SLC5A9: variants seen among roughly 807,000 people sequenced by gnomAD.
The protein encoded by SLC5A9 is sodium/glucose cotransporter 4.
SLC5A9 carries 59 observed loss-of-function variants against 70.9 expected under a neutral mutation model. The observed-to-expected ratio is 0.83, with a 90% CI of 0.68 to 1.03. The LOEUF (loss-of-function observed/expected upper bound fraction) is 1.03, where lower values mean the gene tolerates loss of function less well. Among genes scored for constraint, SLC5A9 ranks in the 50% least tolerant of loss-of-function variants. The pLI is 0.00. For synonymous variants in SLC5A9, 340 were observed against 346.5 expected (o/e 0.98, Z 0.21); for missense variants, 832 against 881.1 (o/e 0.94, Z 0.71).
chr1:48,243,753 AAAATAAAT>A (rs563581067), intron 13 of SLC5A9, among the ~76,000 whole-genome samples: 1 of 152,120 alleles, frequency 6.6e-6, no homozygotes, highest in African/African-American at 2.4e-5. Flanking sequence ...GCGTCCCAGG[AAAATAAAT>A]AAATAAATAA....
intron 9 of SLC5A9, among the ~76,000 whole-genome samples, chr1:48,234,051 G>A (rs1320991350): frequency 6.6e-6 from 1 of 152,220 alleles, no homozygotes; most frequent in South Asian, 2.1e-4. Context: ...TGGGACCAGT[G>A]TGGTGACCCA....
chr1:48,232,929 GAAA>G (rs1644272126), intron 8 of SLC5A9, among the ~76,000 whole-genome samples: 1 of 125,592 alleles, frequency 8.0e-6, no homozygotes, highest in African/African-American at 3.0e-5. Flanking sequence ...GAAAAAGAAA[GAAA>G]GAAAAGAAGA....
In SLC5A9 at chr1:48,247,452, T is replaced by C. The variant is rs1644472694; in HGVS notation, c.1955T>C (p.Ile652Thr). ...GCGCTAGAACAGAAGCTGACAAGCA[T>C]TGAGGAGGAGCCACTCTGGAGACAT... ...KAALEQKLTS[I>T]EEEPLWRHVC... The change falls in exon 14 of 14, where the codon ATT becomes ACT. Residue 652 changes from isoleucine (I) to threonine (T), a missense_variant. Ile to Thr is a moderately conservative substitution (Grantham distance 89). Coordinates refer to ENST00000438567, the MANE Select transcript of SLC5A9 (RefSeq NM_001011547.3). The C allele has an allele frequency of 1.2e-6, 2 of 1,614,176 alleles. No homozygotes were observed. The highest frequency in any genetic ancestry group is 1.7e-6 in the Non-Finnish European group (2 of 1,180,032).
intron 4 of SLC5A9, 167 bp downstream of exon 4, chr1:48,229,626 A>T: frequency 9.7e-7 from 1 of 1,032,506 alleles, no homozygotes; most frequent in Non-Finnish European, 1.4e-6. Context: ...GCACTGGGGT[A>T]CTCAGAGATG....
At position 48,239,331 on chromosome 1, in the gene SLC5A9, TG is replaced by T. The variant is rs777247762; in HGVS notation, c.1475del (p.Gly492AlafsTer13). 3.7e-4 allele frequency: 592 copies of T among 1,610,086 alleles called. 1 individual carries two copies. Among genetic ancestry groups the T allele is most frequent in the Middle Eastern group, 8.4e-4 (5 of 5,956 alleles). ...CTGCCCTCTCTCACAGGGAGCTTTC[TG>T]GGGCCTCGTGTTTGGCCTGGGAGTG... ...CKRVTEPGAFWGLVFGLGVGL... is the reference protein window; with the variant it reads ...CKRVTEPGAFXGLVFGLGVGL... On this transcript the variant is annotated frameshift_variant, in exon 12 of 14. Transcript: ENST00000438567. LOFTEE classifies it high-confidence loss of function. The surrounding 1 kb of genome is among the most constrained non-coding windows in gnomAD (Gnocchi z 4.2).
At chr1:48,243,743 G>T (rs142780062) in intron 13 of SLC5A9, among the ~76,000 whole-genome samples, 105 of 151,896 alleles carry the variant, frequency 6.9e-4, no homozygotes, top group East Asian at 3.1e-3. Context: ...AAAAAAAAAG[G>T]CGTCCCAGGA....
chr1:48,228,122 A>G (rs1485633607), intron 2 of SLC5A9: 1 of 152,228 alleles, frequency 6.6e-6, no homozygotes, highest in Admixed American at 6.5e-5. Context: ...CTGGAGCCAG[A>G]CAGCCAGGGA....
intron 4 of SLC5A9, among the ~76,000 whole-genome samples, chr1:48,230,153 G>A (rs1644226656): frequency 6.6e-6 from 1 of 152,186 alleles, no homozygotes; most frequent in Non-Finnish European, 1.5e-5. Context: ...ATGCCTATCT[G>A]CACCAGGGCT....
At chr1:48,223,084 G>A (rs897487177) in intron 1 of SLC5A9, among the ~76,000 whole-genome samples, 186 bp downstream of exon 1, 103 of 152,076 alleles carry the variant, frequency 6.8e-4, no homozygotes, top group Non-Finnish European at 1.3e-3. Flanking sequence ...AGAGAGGGGT[G>A]TGGCTGGTCT....
At chr1:48,233,543 T>C in intron 8 of SLC5A9, 112 bp from the exon 9 acceptor site, 1 of 776,244 alleles carries the variant, frequency 1.3e-6, no homozygotes, top group Non-Finnish European at 2.2e-6. Context: ...TAGACATGGG[T>C]CCCTGTCAGA....
At chr1:48,246,932 A>AGTC (rs1441348294) in intron 13 of SLC5A9, among the ~76,000 whole-genome samples, 3 of 152,338 alleles carry the variant, frequency 2.0e-5, no homozygotes, top group Admixed American at 6.5e-5. Flanking sequence ...TGGTTGTAGC[A>AGTC]GTCTGTCTGG....
intron 6 of SLC5A9, 130 bp downstream of exon 6, chr1:48,231,755 C>A (rs1644251101): frequency 3.3e-6 from 5 of 1,510,890 alleles, no homozygotes; most frequent in Non-Finnish European, 4.4e-6. Flanking sequence ...CCTCTCCAGG[C>A]TGCAGCTCCC....
rs1281465269 is a variant in SLC5A9, at chr1:48,233,700, G to A, written c.1079G>A (p.Gly360Glu). 6.2e-7 allele frequency: 1 copy of A among 1,614,086 alleles called. No homozygotes were observed. The highest frequency in any genetic ancestry group is 1.3e-5 in the African/African-American group (1 of 75,012). Residue 360 changes from glycine (G) to glutamate (E), a missense_variant, in exon 9 of 14, where the codon GGG becomes GAG. By Grantham distance (98) the Gly-to-Glu change is moderately conservative. Transcript: ENST00000438567. ...VDPDVCQRIC[G>E]ARVGCSNIAY... ...CCTGATGTCTGCCAAAGAATCTGTG[G>A]GGCCCGAGTGGGATGTTCCAACATT...
At chr1:48,244,878 GTATATATATATATA>G (rs756117312) in intron 13 of SLC5A9, among the ~76,000 whole-genome samples, 29 of 29,402 alleles carry the variant, frequency 9.9e-4, no homozygotes, top group East Asian at 3.3e-3. Flanking sequence ...ATGTGTATGT[GTATATATATATATA>G]TATATATATA....
intron 1 of SLC5A9, among the ~76,000 whole-genome samples, chr1:48,223,634 G>C (rs147289899): frequency 3.3e-5 from 5 of 152,318 alleles, no homozygotes; most frequent in Admixed American, 6.5e-5. Context: ...TTCCACAGAA[G>C]TGTGAGCACC....
intron 9 of SLC5A9, among the ~76,000 whole-genome samples, chr1:48,234,075 G>T (rs1189468732): frequency 2.0e-5 from 3 of 152,202 alleles, no homozygotes; most frequent in Non-Finnish European, 4.4e-5. Flanking sequence ...TGGGCTAAGG[G>T]AGCCCTAAGA....
At chr1:48,226,742 G>A (rs1254188235) in intron 2 of SLC5A9, among the ~76,000 whole-genome samples, 1 of 152,194 alleles carries the variant, frequency 6.6e-6, no homozygotes, top group Non-Finnish European at 1.5e-5. Context: ...TGCTGATCTT[G>A]TTGATGTCTC....
chr1:48,242,106 G>A (rs971716471), intron 12 of SLC5A9: 16 of 471,890 alleles, frequency 3.4e-5, no homozygotes, highest in African/African-American at 2.0e-4. Flanking sequence ...TTTAAGCTAC[G>A]ACTCCTCAGC....
At chr1:48,234,404 T>C (rs1276882841) in intron 9 of SLC5A9, among the ~76,000 whole-genome samples, 2 of 152,078 alleles carry the variant, frequency 1.3e-5, no homozygotes, top group African/African-American at 4.8e-5. Context: ...ACTGGATTTG[T>C]GTTTTAGCAA....
Sources: allele counts gnomAD v4.1 joint callset (sites outside exome capture counted in the v4.1 genomes callset), GRCh38; gene constraint gnomAD v4.1.1; non-coding constraint Gnocchi (gnomAD v3.1); transcripts MANE v1.5; gene names NCBI Gene and HGNC (gene_info 2026-07-23, HGNC 2026-07-21).